The following INTS9 variants were observed in gnomAD, a reference collection of about 807,000 sequenced individuals.
INTS9 encodes protein related to CPSF subunits of 74 kDa.
A neutral mutation model predicts 79.7 loss-of-function variants in INTS9; 55 were observed. The ratio of observed to expected loss-of-function variants is 0.69; its 90% confidence interval spans 0.56 to 0.86. The LOEUF (loss-of-function observed/expected upper bound fraction) is 0.86, where lower values mean the gene tolerates loss of function less well. Among genes scored for constraint, INTS9 ranks in the 40% least tolerant of loss-of-function variants. The pLI is 0.00. For missense variants in INTS9, 721 were observed against 831.5 expected, an observed-to-expected ratio of 0.87 and a Z score of 1.64; for synonymous variants, 319 against 325.2, an observed-to-expected ratio of 0.98 and a Z score of 0.20.
intron 2 of INTS9, 74 bp downstream of exon 2, chr8:28,859,362 T>A: frequency 1.3e-6 from 2 of 1,528,796 alleles, no homozygotes; most frequent in Non-Finnish European, 1.8e-6. Context: ...TAGGTACTAG[T>A]AACCTTCATA....
intron 6 of INTS9, among the ~76,000 whole-genome samples, chr8:28,824,483 T>C (rs1446499363): frequency 6.6e-6 from 1 of 152,182 alleles, no homozygotes; most frequent in Non-Finnish European, 1.5e-5. Context: ...ACATTTTGAG[T>C]GGACAACACT....
At chr8:28,795,742 G>T (rs1050705841) in intron 9 of INTS9, among the ~76,000 whole-genome samples, 1 of 149,140 alleles carries the variant, frequency 6.7e-6, no homozygotes, top group African/African-American at 2.5e-5. Flanking sequence ...TCTGCATCAA[G>T]AAACGACCAT....
At chr8:28,814,830 C>T (rs895202556) in intron 6 of INTS9, among the ~76,000 whole-genome samples, 4 of 152,162 alleles carry the variant, frequency 2.6e-5, no homozygotes, top group Admixed American at 6.5e-5. Flanking sequence ...CTGAAGAATC[C>T]GATCAGCCTC....
At chr8:28,842,565 A>G (rs1481655182) in intron 4 of INTS9, among the ~76,000 whole-genome samples, 1 of 152,114 alleles carries the variant, frequency 6.6e-6, no homozygotes, top group East Asian at 1.9e-4. Flanking sequence ...ACAGGTTCAG[A>G]AGCACTCATC....
At chr8:28,806,535 T>C (rs1419567099) in intron 8 of INTS9, among the ~76,000 whole-genome samples, 1 of 152,168 alleles carries the variant, frequency 6.6e-6, no homozygotes, top group Non-Finnish European at 1.5e-5. Flanking sequence ...AAAACTCAAA[T>C]ACATATAGAA....
intron 6 of INTS9, among the ~76,000 whole-genome samples, chr8:28,823,784 C>A (rs1211303304): frequency 1.3e-5 from 2 of 151,982 alleles, no homozygotes; most frequent in Admixed American, 6.6e-5. Context: ...AAAAGTTGCA[C>A]AAGATAGAAA....
intron 6 of INTS9, among the ~76,000 whole-genome samples, chr8:28,827,316 C>A (rs1332844222): frequency 1.3e-5 from 2 of 152,228 alleles, no homozygotes; most frequent in Admixed American, 6.5e-5. Context: ...GCTCTGCGGC[C>A]TCTTCCTTCA....
intron 12 of INTS9, 98 bp from the exon 13 acceptor site, chr8:28,778,051 G>C (rs999619619): frequency 5.7e-5 from 75 of 1,315,006 alleles, no homozygotes; most frequent in Non-Finnish European, 7.3e-5. Flanking sequence ...AGACAGTCAG[G>C]GGGTCAGGAG....
At chr8:28,769,506 C>G (rs562985546) in intron 16 of INTS9, 129 of 162,892 alleles carry the variant, frequency 7.9e-4, no homozygotes, top group Non-Finnish European at 1.4e-3. Flanking sequence ...CCTGCAAATC[C>G]TGACAGTCGA....
intron 1 of INTS9, among the ~76,000 whole-genome samples, chr8:28,879,921 T>G (rs763159753): frequency 4.6e-5 from 7 of 152,026 alleles, no homozygotes; most frequent in Non-Finnish European, 1.0e-4. Context: ...GGAGATCTTT[T>G]TGGAGTAATG....
intron 1 of INTS9, among the ~76,000 whole-genome samples, chr8:28,864,996 A>AC (rs1808659375): frequency 6.6e-6 from 1 of 152,054 alleles, no homozygotes; most frequent in African/African-American, 2.4e-5. Context: ...AAAAAAAAAA[A>AC]AAAAACAAAG....
intron 1 of INTS9, among the ~76,000 whole-genome samples, chr8:28,863,741 C>G (rs1001291134): frequency 8.5e-5 from 13 of 152,136 alleles, no homozygotes; most frequent in Non-Finnish European, 1.9e-4. Context: ...GAGATCACGC[C>G]ACTGCACACC....
intron 4 of INTS9, among the ~76,000 whole-genome samples, chr8:28,841,938 A>C (rs1807209785): frequency 6.6e-6 from 1 of 152,104 alleles, no homozygotes; most frequent in African/African-American, 2.4e-5. Flanking sequence ...ATGTTTCAAC[A>C]ATTAGCCAGG....
chr8:28,815,974 T>G (rs954858827), intron 6 of INTS9, among the ~76,000 whole-genome samples: 1 of 152,064 alleles, frequency 6.6e-6, no homozygotes, highest in Non-Finnish European at 1.5e-5. Flanking sequence ...CTTTGGGATC[T>G]AGGAAAAGAA....
chr8:28,861,314 C>T (rs969407535), intron 1 of INTS9, among the ~76,000 whole-genome samples: 2 of 152,126 alleles, frequency 1.3e-5, no homozygotes, highest in African/African-American at 2.4e-5. Context: ...GGTCTTTATC[C>T]CCATCTAAGA....
chr8:28,839,245 A>C (rs1241464445), intron 4 of INTS9, among the ~76,000 whole-genome samples: 2 of 152,150 alleles, frequency 1.3e-5, no homozygotes, highest in African/African-American at 4.8e-5. Flanking sequence ...GACAGGAAGG[A>C]CCTCTTCAAG....
At chr8:28,861,448 T>A (rs1173614413) in intron 1 of INTS9, among the ~76,000 whole-genome samples, 1 of 152,086 alleles carries the variant, frequency 6.6e-6, no homozygotes, top group Admixed American at 6.6e-5. Context: ...TAAGAAAAAA[T>A]CAGATATTCA....
At position 28,828,974 on chromosome 8, in the gene INTS9, C is replaced by T. The variant is rs1337224044; in HGVS notation, c.488+6318G>A. 5.9e-5 allele frequency among the ~76,000 whole-genome samples: 9 copies of T among 152,142 alleles called. No individual in the cohort carries two copies. In the East Asian group the frequency reaches 7.7e-4, roughly 13 times the overall value. On this transcript the variant is annotated intron_variant, in intron 6 of 16. Coordinates refer to ENST00000521022, the MANE Select transcript of INTS9 (RefSeq NM_018250.4). ...CTGAGATTATAGGCATGAGCCACCACGCCCAGCCAGTTTTCTTTTAAGTCT... is the reference window on the plus strand; with the variant it reads ...CTGAGATTATAGGCATGAGCCACCATGCCCAGCCAGTTTTCTTTTAAGTCT...
chr8:28,870,356 T>TC (rs1264032863), intron 1 of INTS9, among the ~76,000 whole-genome samples: 1 of 144,906 alleles, frequency 6.9e-6, no homozygotes, highest in African/African-American at 2.6e-5. Context: ...AAGCTTTTTT[T>TC]TTTTTTTTTT....
Sources: allele counts gnomAD v4.1 joint callset (sites outside exome capture counted in the v4.1 genomes callset), GRCh38; gene constraint gnomAD v4.1.1; transcripts MANE v1.5; gene names NCBI Gene and HGNC (gene_info 2026-07-23, HGNC 2026-07-21).